The following GLIS3 variants were observed in gnomAD, a reference collection of about 807,000 sequenced individuals.
GLIS3 encodes the protein GLIS family zinc finger 3, also known as zinc finger protein GLIS3.
In GLIS3, 53 loss-of-function variants were observed where a neutral mutation model predicts 78.6. That is an observed-to-expected ratio of 0.67 (90% CI 0.54 to 0.85). GLIS3 has a LOEUF of 0.85. Among genes scored for constraint, GLIS3 ranks in the 40% least tolerant of loss-of-function variants. The probability of loss-of-function intolerance (pLI) is 0.00; values close to 1 mark genes in which losing one functional copy is unlikely to be tolerated. For synonymous variants in GLIS3, 684 were observed against 509.9 expected (o/e 1.34, Z -4.60); for missense variants, 1,703 against 1,231.1 (o/e 1.38, Z -5.74).
chr9:3,828,423 A>C lies in GLIS3; in HGVS notation c.2657-15T>G. The C allele has an allele frequency of 6.2e-7, 1 of 1,612,444 alleles. No individual in the cohort carries two copies. The highest frequency in any genetic ancestry group is 8.5e-7 in the Non-Finnish European group (1 of 1,179,984). ...TAAATCATACACTGGAAGAGAAAGA[A>C]CGCAGTTAAGTCAGTAACTCCTGCC... On this transcript the variant is annotated splice_polypyrimidine_tract_variant and intron_variant, in intron 10 of 10. Transcript: ENST00000381971.
intron 4 of GLIS3, among the ~76,000 whole-genome samples, chr9:4,004,554 T>C (rs1038849421): frequency 1.3e-5 from 2 of 152,194 alleles, no homozygotes; most frequent in African/African-American, 2.4e-5. Context: ...ACTGGGAATG[T>C]TGATCTACAA....
At chr9:3,852,764 G>A (rs1161718170) in intron 9 of GLIS3, among the ~76,000 whole-genome samples, 2 of 152,172 alleles carry the variant, frequency 1.3e-5, no homozygotes, top group African/African-American at 2.4e-5. Flanking sequence ...ACAGGGGCAC[G>A]CCCTTTGCAA....
At chr9:4,256,854 C>A (rs1291738995) in intron 2 of GLIS3, among the ~76,000 whole-genome samples, 1 of 152,134 alleles carries the variant, frequency 6.6e-6, no homozygotes, top group Non-Finnish European at 1.5e-5. Flanking sequence ...AATATACACC[C>A]AAAGGAAAGG....
At chr9:4,435,608 T>C in the GLIS3 span, among the ~76,000 whole-genome samples, 3 of 152,232 alleles carry the variant, frequency 2.0e-5, no homozygotes, top group Admixed American at 2.0e-4. Flanking sequence ...AAAAGACTGT[T>C]ATATTTAAAT....
intron 2 of GLIS3, 50 bp downstream of exon 2, chr9:4,285,988 G>T (rs764878040): frequency 1.2e-6 from 2 of 1,607,932 alleles, no homozygotes; most frequent in Non-Finnish European, 1.7e-6. Flanking sequence ...TGGGATGGGG[G>T]AGAAAAAAAT....
rs760023571 is a variant in GLIS3 at position 4,118,459 on chromosome 9, T to C, written c.1019A>G (p.Asn340Ser). 13 of 1,613,530 alleles carry C rather than the reference T, an allele frequency of 8.1e-6. No homozygotes were observed. In the East Asian group the frequency reaches 1.6e-4, roughly 19 times the overall value. The change falls in exon 4 of 11, where the codon AAC (asparagine) becomes AGC (serine). Residue 340 changes from asparagine (N) to serine (S), a missense_variant. By Grantham distance (46) the Asn-to-Ser change is conservative (BLOSUM62 1). Coordinates refer to ENST00000381971, the MANE Select transcript of GLIS3 (RefSeq NM_001042413.2). The surrounding 1 kb of genome is among the most constrained non-coding windows in gnomAD (Gnocchi z 4.7). ...GTAGACCTCCGGCTGCGGGGACAGG[T>C]TGGCCGGCGAAGCCCTCGACCCGTT... is the stretch of plus-strand genomic sequence containing the variant. Reference protein sequence around the residue: ...YINGSRASPANLSPQPEVYGH... With the variant: ...YINGSRASPASLSPQPEVYGH...
chr9:3,867,610 C>G (rs913841022), intron 8 of GLIS3, among the ~76,000 whole-genome samples: 1 of 152,128 alleles, frequency 6.6e-6, no homozygotes, highest in Admixed American at 6.5e-5. Context: ...ATCTAAAACC[C>G]AAAGCTTTCA....
At chr9:3,845,753 A>G (rs955812441) in intron 9 of GLIS3, among the ~76,000 whole-genome samples, 3 of 151,218 alleles carry the variant, frequency 2.0e-5, no homozygotes, top group South Asian at 2.1e-4. Context: ...ACACACACCC[A>G]CACACACACA....
chr9:4,164,681 T>C (rs1425534693), intron 2 of GLIS3, among the ~76,000 whole-genome samples: 2 of 152,152 alleles, frequency 1.3e-5, no homozygotes, highest in East Asian at 3.9e-4. Flanking sequence ...TGATCTAAAA[T>C]TAGATGGCAA....
chr9:4,408,256 C>G, the GLIS3 span, among the ~76,000 whole-genome samples: 1 of 152,076 alleles, frequency 6.6e-6, no homozygotes, highest in African/African-American at 2.4e-5. Context: ...AGCAATCCCA[C>G]TGCTGAGTAT....
At position 4,340,516 on chromosome 9, in the gene GLIS3, G is replaced by A. The variant is rs530728372; in HGVS notation, n.264+6565C>T. ...TCCTCCATCCCTGTTCTCCTTGCCC[G>A]GATGGTTCCTGGGTCTAGGGTTAAG... is the stretch of plus-strand genomic sequence containing the variant. On this transcript the variant is annotated intron_variant and non_coding_transcript_variant, in intron 2 of 4. Transcript: ENST00000471664. 6.6e-5 allele frequency among the ~76,000 whole-genome samples: 10 copies of A among 152,134 alleles called. No individual in the cohort carries two copies. In the South Asian group the frequency reaches 8.3e-4, roughly 13 times the overall value.
intron 7 of GLIS3, among the ~76,000 whole-genome samples, chr9:3,889,597 C>T (rs1403530180): frequency 6.6e-6 from 1 of 152,152 alleles, no homozygotes; most frequent in Non-Finnish European, 1.5e-5. Flanking sequence ...TTCAATTAAT[C>T]CACTTTATGG....
the GLIS3 span, among the ~76,000 whole-genome samples, chr9:4,357,561 CTGTG>C: frequency 4.4e-4 from 65 of 147,724 alleles, no homozygotes; most frequent in East Asian, 1.2e-3. Context: ...GAACTAATTC[CTGTG>C]TGTGTGTGTG....
chr9:4,398,938 T>C, the GLIS3 span, among the ~76,000 whole-genome samples: 7,624 of 152,226 alleles, frequency 0.05, 470 homozygotes, highest in East Asian at 0.24. Context: ...CCACCTACCT[T>C]GGCCTCTCAA....
the GLIS3 span, among the ~76,000 whole-genome samples, chr9:4,461,245 T>A: frequency 1.3e-5 from 2 of 152,186 alleles, no homozygotes; most frequent in Non-Finnish European, 2.9e-5. Flanking sequence ...ACTTCATGGG[T>A]ATTTGTATGT....
intron 6 of GLIS3, among the ~76,000 whole-genome samples, chr9:3,926,509 C>T (rs552598531): frequency 3.5e-4 from 53 of 152,170 alleles, no homozygotes; most frequent in African/African-American, 1.2e-3. Flanking sequence ...GGATTACAGG[C>T]GTGAGCCACC....
At chr9:4,023,467 C>A (rs2130174548) in intron 4 of GLIS3, among the ~76,000 whole-genome samples, 1 of 152,252 alleles carries the variant, frequency 6.6e-6, no homozygotes, top group Non-Finnish European at 1.5e-5. Flanking sequence ...TGCTTTTGTT[C>A]CTAAACATAT....
At chr9:4,199,969 A>C (rs559453403) in intron 2 of GLIS3, among the ~76,000 whole-genome samples, 1 of 152,348 alleles carries the variant, frequency 6.6e-6, no homozygotes, top group African/African-American at 2.4e-5. Flanking sequence ...CTCTTGGACC[A>C]CAGTGGAATA....
chr9:4,322,282 T>C (rs1478884504), intron 2 of GLIS3, among the ~76,000 whole-genome samples: 3 of 152,226 alleles, frequency 2.0e-5, no homozygotes, highest in African/African-American at 2.4e-5. Context: ...CTATCACTGA[T>C]GGACATTTGG....
Sources: gnomAD v4.1 joint callset for allele counts (sites outside exome capture counted in the v4.1 genomes callset) on GRCh38, gnomAD v4.1.1 for gene constraint, Gnocchi (gnomAD v3.1) non-coding constraint, MANE v1.5 for transcripts, NCBI Gene and HGNC (gene_info 2026-07-23, HGNC 2026-07-21) for gene names.